SHISA6: variants seen among roughly 807,000 people sequenced by gnomAD.
SHISA6 encodes shisa family member 6.
Under a neutral mutation model 47.9 loss-of-function variants are expected in SHISA6, and 22 were observed. The ratio of observed to expected loss-of-function variants is 0.46; its 90% confidence interval spans 0.33 to 0.66. The LOEUF is 0.66. SHISA6 is among the 30% of genes least tolerant of loss of function. SHISA6 has a pLI of 0.02. For synonymous variants in SHISA6, 388 were observed against 337.8 expected (o/e 1.15, Z -1.63); for missense variants, 680 against 764.6 (o/e 0.89, Z 1.30).
intron 3 of SHISA6, among the ~76,000 whole-genome samples, chr17:11,486,331 T>C (rs982592401): frequency 1.3e-5 from 2 of 152,216 alleles, no homozygotes; most frequent in East Asian, 3.9e-4. Context: ...CACATTGTAC[T>C]GTAATGGTTT....
chr17:11,487,283 C>T (rs1424384549), intron 3 of SHISA6, among the ~76,000 whole-genome samples: 1 of 152,218 alleles, frequency 6.6e-6, no homozygotes, highest in Non-Finnish European at 1.5e-5. Flanking sequence ...AGATTCTCTC[C>T]TCCTGCATCA....
chr17:11,394,998 C>CTTTTTTTTTTTTTTTTTTTTT (rs772109588), intron 3 of SHISA6, among the ~76,000 whole-genome samples: 66 of 95,038 alleles, frequency 6.9e-4, no homozygotes, highest in African/African-American at 1.1e-3. Flanking sequence ...TTTTTCTTTT[C>CTTTTTTTTTTTTTTTTTTTTT]TTTTTTTTTT....
At chr17:11,281,003 C>T (rs1308110729) in intron 2 of SHISA6, among the ~76,000 whole-genome samples, 3 of 152,156 alleles carry the variant, frequency 2.0e-5, no homozygotes, top group Non-Finnish European at 2.9e-5. Flanking sequence ...AATACAATTG[C>T]TTTTTATATA....
intron 3 of SHISA6, among the ~76,000 whole-genome samples, chr17:11,547,367 G>A (rs979305167): frequency 6.6e-6 from 1 of 152,174 alleles, no homozygotes; most frequent in Admixed American, 6.5e-5. Context: ...TACAGGCTCT[G>A]CTCTCTGACC....
intron 2 of SHISA6, among the ~76,000 whole-genome samples, chr17:11,374,200 C>T (rs537221209): frequency 5.1e-4 from 77 of 152,174 alleles, no homozygotes; most frequent in Non-Finnish European, 9.0e-4. Context: ...TCCTTTGAGT[C>T]GCCTATGCAT....
At chr17:11,459,645 A>G (rs1176063224) in intron 3 of SHISA6, among the ~76,000 whole-genome samples, 1 of 152,018 alleles carries the variant, frequency 6.6e-6, no homozygotes, top group Admixed American at 6.6e-5. Context: ...GAAGGTCCAC[A>G]CTCCCTAGCC....
chr17:11,338,083 A>G (rs1010673336), intron 2 of SHISA6, among the ~76,000 whole-genome samples: 1 of 152,180 alleles, frequency 6.6e-6, no homozygotes, highest in African/African-American at 2.4e-5. Context: ...CAATGTAGAA[A>G]AACACATTGT....
At chr17:11,459,097 T>G (rs1915631723) in intron 3 of SHISA6, among the ~76,000 whole-genome samples, 1 of 151,194 alleles carries the variant, frequency 6.6e-6, no homozygotes, top group Non-Finnish European at 1.5e-5. Flanking sequence ...CAGGCACCTG[T>G]GGTCCCAGCT....
chr17:11,521,778 G>T (rs1197810273), intron 3 of SHISA6, among the ~76,000 whole-genome samples: 1 of 152,030 alleles, frequency 6.6e-6, no homozygotes. Context: ...ATTCCAGCTT[G>T]GGTGACAGAG....
intron 3 of SHISA6, among the ~76,000 whole-genome samples, chr17:11,548,427 T>G (rs2071900881): frequency 7.3e-6 from 1 of 137,036 alleles, no homozygotes; most frequent in Non-Finnish European, 1.5e-5. Context: ...ATGTTATTTA[T>G]GAATGCATAT....
chr17:11,353,383 G>A (rs1457063762), intron 2 of SHISA6, among the ~76,000 whole-genome samples: 1 of 151,608 alleles, frequency 6.6e-6, no homozygotes, highest in African/African-American at 2.4e-5. Flanking sequence ...CGTGAACCCA[G>A]GAGGCAGAGG....
intron 1 of SHISA6, among the ~76,000 whole-genome samples, chr17:11,261,675 G>A (rs1908237820): frequency 6.6e-6 from 1 of 152,212 alleles, no homozygotes; most frequent in Non-Finnish European, 1.5e-5. Context: ...ATTCCATTGT[G>A]TGAATAGACC....
chr17:11,367,572 C>G (rs1912497998), intron 2 of SHISA6, among the ~76,000 whole-genome samples: 1 of 152,174 alleles, frequency 6.6e-6, no homozygotes. Flanking sequence ...TTGTGGTTCT[C>G]AATTCTAAGA....
At chr17:11,431,715 C>T (rs1343454132) in intron 3 of SHISA6, among the ~76,000 whole-genome samples, 1 of 152,168 alleles carries the variant, frequency 6.6e-6, no homozygotes, top group African/African-American at 2.4e-5. Context: ...TTTCCTTAAA[C>T]CTAAGTTATT....
chr17:11,424,413 C>T (rs1048341423), intron 3 of SHISA6, among the ~76,000 whole-genome samples: 2 of 151,854 alleles, frequency 1.3e-5, no homozygotes. Flanking sequence ...CATGAGATGA[C>T]AAAATAGATA....
At chr17:11,333,410 C>A (rs35479437) in intron 2 of SHISA6, among the ~76,000 whole-genome samples, 2,312 of 152,268 alleles carry the variant, frequency 0.015, 16 homozygotes, top group Middle Eastern at 0.038. Context: ...TTTACCACCC[C>A]CTGCAGCCTC....
chr17:11,289,339 T>C (rs1473391992), intron 2 of SHISA6: 3 of 151,982 alleles, frequency 2.0e-5, no homozygotes, highest in Non-Finnish European at 2.9e-5. Flanking sequence ...TATTAGAGTA[T>C]GTGCATCTAT....
intron 3 of SHISA6, among the ~76,000 whole-genome samples, chr17:11,529,497 A>G (rs914791602): frequency 1.8e-4 from 28 of 152,226 alleles, no homozygotes; most frequent in Admixed American, 6.5e-5. Flanking sequence ...TTCCACATAT[A>G]CTAAGATGCC....
At chr17:11,291,998 C>A (rs891542273) in intron 2 of SHISA6, among the ~76,000 whole-genome samples, 1 of 152,164 alleles carries the variant, frequency 6.6e-6, no homozygotes, top group Non-Finnish European at 1.5e-5. Context: ...ATATGCGTTA[C>A]CTCACATACC....
Sources: allele counts gnomAD v4.1 joint callset (sites outside exome capture counted in the v4.1 genomes callset), GRCh38; gene constraint gnomAD v4.1.1; transcripts MANE v1.5; gene names NCBI Gene and HGNC (gene_info 2026-07-23, HGNC 2026-07-21).